The following XKR9 variants were observed in gnomAD, a reference collection of about 807,000 sequenced individuals.
The protein encoded by XKR9 is XK related 9, also known as XK-related protein 9.
A neutral mutation model predicts 32.0 loss-of-function variants in XKR9; 32 were observed. The ratio of observed to expected loss-of-function variants is 1.00; its 90% confidence interval spans 0.76 to 1.34. The LOEUF (loss-of-function observed/expected upper bound fraction) is 1.34. Ranked by LOEUF, XKR9 falls within the 40% of genes most tolerant of loss-of-function variation. The pLI is 0.00. For missense variants in XKR9, 546 were observed against 429.7 expected, an observed-to-expected ratio of 1.27 and a Z score of -2.39; for synonymous variants, 168 against 143.4, an observed-to-expected ratio of 1.17 and a Z score of -1.22.
intron 4 of XKR9, among the ~76,000 whole-genome samples, chr8:70,731,335 G>C (rs1408496890): frequency 2.2e-5 from 3 of 137,980 alleles, no homozygotes; most frequent in Admixed American, 2.1e-4. Flanking sequence ...TTTTTTTTTT[G>C]CTGGCATACC....
rs184051969 is a variant in XKR9 at position 70,692,761 on chromosome 8, G to T, written c.272+11431G>T. ...ATCCAGCTAATTTTTTGTATTTTCAGTAGAGACGGGGTTTCACCATGTTGG... is the reference window on the plus strand; with the variant it reads ...ATCCAGCTAATTTTTTGTATTTTCATTAGAGACGGGGTTTCACCATGTTGG... On this transcript the variant is annotated intron_variant, in intron 3 of 4. Transcript: ENST00000408926. Among the ~76,000 whole-genome samples, 1,237 of 152,044 alleles carry T rather than the reference G, an allele frequency of 8.1e-3. 19 individuals are homozygous for T. Among genetic ancestry groups the T allele is most frequent in the Non-Finnish European group, 0.012 (838 of 67,996 alleles).
At chr8:70,853,995 C>T in the XKR9 span, among the ~76,000 whole-genome samples, 1 of 151,888 alleles carries the variant, frequency 6.6e-6, no homozygotes, top group Non-Finnish European at 1.5e-5. Flanking sequence ...CACATGTGTG[C>T]ATGTATCTTT....
the XKR9 span, among the ~76,000 whole-genome samples, chr8:70,981,036 G>A: frequency 6.6e-6 from 1 of 152,124 alleles, no homozygotes; most frequent in Non-Finnish European, 1.5e-5. Context: ...TTCCTTTATA[G>A]GTTACCTGAT....
At chr8:70,683,157 G>T (rs1819141288) in intron 3 of XKR9, among the ~76,000 whole-genome samples, 1 of 152,144 alleles carries the variant, frequency 6.6e-6, no homozygotes, top group South Asian at 2.1e-4. Flanking sequence ...GGGAGCATTG[G>T]TCTATTCCAA....
the XKR9 span, among the ~76,000 whole-genome samples, chr8:70,843,971 C>T: frequency 9.2e-5 from 14 of 152,318 alleles, no homozygotes; most frequent in East Asian, 1.9e-4. Context: ...TGGAGGACTG[C>T]GGAAGCATGA....
chr8:70,775,887 A>G (rs1807511921), intron 2 of XKR9, among the ~76,000 whole-genome samples: 1 of 151,872 alleles, frequency 6.6e-6, no homozygotes, highest in African/African-American at 2.4e-5. Flanking sequence ...TGGGACCACA[A>G]GTGTGTGCCA....
chr8:71,054,450 C>G, the XKR9 span, among the ~76,000 whole-genome samples: 2 of 152,152 alleles, frequency 1.3e-5, no homozygotes, highest in Non-Finnish European at 2.9e-5. Flanking sequence ...CTGATAACAT[C>G]TCTGCTCTGA....
At chr8:70,740,793 C>G (rs1024097573), downstream of XKR9, among the ~76,000 whole-genome samples, 1 of 152,216 alleles carries the variant, frequency 6.6e-6, no homozygotes, top group Non-Finnish European at 1.5e-5. Context: ...TTTTCGTGAA[C>G]CACGAATGCT....
chr8:70,982,750 A>G, the XKR9 span, among the ~76,000 whole-genome samples: 1 of 152,146 alleles, frequency 6.6e-6, no homozygotes, highest in Non-Finnish European at 1.5e-5. Flanking sequence ...TCTTAGAGCA[A>G]AATTTCAGGA....
At chr8:71,026,178 A>G in the XKR9 span, among the ~76,000 whole-genome samples, 1 of 152,196 alleles carries the variant, frequency 6.6e-6, no homozygotes, top group Non-Finnish European at 1.5e-5. Context: ...TAGCCTAGTA[A>G]CATTTCAAAC....
intron 3 of XKR9, among the ~76,000 whole-genome samples, chr8:70,702,411 C>T (rs909645332): frequency 8.6e-5 from 13 of 152,020 alleles, no homozygotes; most frequent in South Asian, 8.3e-4. Flanking sequence ...AGTTATTGAA[C>T]GTAATGTTCT....
chr8:70,871,231 T>C, the XKR9 span, among the ~76,000 whole-genome samples: 1 of 152,214 alleles, frequency 6.6e-6, no homozygotes, highest in Non-Finnish European at 1.5e-5. Context: ...TTTCACCTAC[T>C]GAGCTAGGTG....
At chr8:70,860,495 T>G in the XKR9 span, among the ~76,000 whole-genome samples, 1 of 152,162 alleles carries the variant, frequency 6.6e-6, no homozygotes, top group African/African-American at 2.4e-5. Context: ...CACTTTGTTA[T>G]AGCAGCTGAA....
chr8:70,766,619 A>T (rs548540324), intron 2 of XKR9, among the ~76,000 whole-genome samples: 6 of 152,312 alleles, frequency 3.9e-5, no homozygotes, highest in Non-Finnish European at 8.8e-5. Context: ...CCTGGCCAGA[A>T]CTTCCAATAC....
At chr8:70,891,185 T>C in the XKR9 span, among the ~76,000 whole-genome samples, 1 of 151,894 alleles carries the variant, frequency 6.6e-6, no homozygotes, top group Non-Finnish European at 1.5e-5. Flanking sequence ...TTTGTCTTTT[T>C]TTTTGTTATT....
chr8:70,723,852 G>T (rs1806364086), intron 4 of XKR9, among the ~76,000 whole-genome samples: 1 of 151,330 alleles, frequency 6.6e-6, no homozygotes. Context: ...TGTGCTGGGA[G>T]ATCCACTGCT....
At chr8:70,925,991 G>C in the XKR9 span, among the ~76,000 whole-genome samples, 1 of 152,186 alleles carries the variant, frequency 6.6e-6, no homozygotes, top group Non-Finnish European at 1.5e-5. Flanking sequence ...TTCCAGAACT[G>C]TTTTGTGGAA....
chr8:70,821,094 C>G, the XKR9 span, among the ~76,000 whole-genome samples: 2 of 152,192 alleles, frequency 1.3e-5, no homozygotes, highest in Admixed American at 1.3e-4. Context: ...AAGTTTGTTA[C>G]TTCTAAGATA....
At chr8:70,807,347 T>G in the XKR9 span, among the ~76,000 whole-genome samples, 5 of 152,040 alleles carry the variant, frequency 3.3e-5, no homozygotes, top group African/African-American at 4.8e-5. Context: ...ATGAAGAAAC[T>G]GCACCAACAA....
Sources: allele counts gnomAD v4.1 joint callset (sites outside exome capture counted in the v4.1 genomes callset), GRCh38; gene constraint gnomAD v4.1.1; transcripts MANE v1.5; gene names NCBI Gene and HGNC (gene_info 2026-07-23, HGNC 2026-07-21).